Variants in ATP9B observed in about 807,000 individuals in gnomAD.
The protein encoded by ATP9B is probable phospholipid-transporting ATPase IIB.
In ATP9B, 110 loss-of-function variants were observed where a neutral mutation model predicts 146.1. That is an observed-to-expected ratio of 0.75 (90% confidence interval 0.65 to 0.88). The LOEUF (loss-of-function observed/expected upper bound fraction) is 0.88, where lower values mean the gene tolerates loss of function less well. Ranked by LOEUF, ATP9B falls within the 40% of genes least tolerant of loss-of-function variation. The probability of loss-of-function intolerance (pLI) is 0.00; values close to 1 mark genes in which losing one functional copy is unlikely to be tolerated. For missense variants in ATP9B, 1,499 were observed against 1,496.4 expected (o/e 1.00, Z -0.03); for synonymous variants, 604 against 569.7 (o/e 1.06, Z -0.86).
intron 11 of ATP9B, among the ~76,000 whole-genome samples, chr18:79,245,561 G>A (rs111948585): frequency 0.02 from 1,315 of 66,474 alleles, 17 homozygotes; most frequent in African/African-American, 0.042. Flanking sequence ...GGAGGGCACC[G>A]CCCTACTGAC....
At chr18:79,251,101 T>A (rs1312616621) in intron 11 of ATP9B, among the ~76,000 whole-genome samples, 2 of 152,234 alleles carry the variant, frequency 1.3e-5, no homozygotes, top group East Asian at 3.8e-4. Flanking sequence ...TAGAATCAAG[T>A]CACTATTTCA....
At chr18:79,247,495 A>G (rs2095979627) in intron 11 of ATP9B, among the ~76,000 whole-genome samples, 1 of 152,180 alleles carries the variant, frequency 6.6e-6, no homozygotes, top group Non-Finnish European at 1.5e-5. Context: ...GCCCCCTTCA[A>G]ACTTAGCAGG....
chr18:79,296,294 G>A (rs1185812096), intron 13 of ATP9B, among the ~76,000 whole-genome samples: 3 of 152,244 alleles, frequency 2.0e-5, no homozygotes, highest in African/African-American at 4.8e-5. Flanking sequence ...GGAATGACAG[G>A]TGTGAGCCAC....
chr18:79,328,081 G>A (rs983187623), intron 15 of ATP9B, among the ~76,000 whole-genome samples: 12 of 146,570 alleles, frequency 8.2e-5, no homozygotes, highest in East Asian at 2.0e-4. Context: ...CGTGGTTAGC[G>A]TGCTCTCTGT....
chr18:79,182,245 C>T lies in ATP9B; in HGVS notation c.873+5338C>T, dbSNP rs114915477. Among the ~76,000 whole-genome samples, 559 of 152,314 alleles carry T rather than the reference C, an allele frequency of 3.7e-3. 3 individuals are homozygous for T. Among genetic ancestry groups the T allele is most frequent in the South Asian group, 0.024 (115 of 4,822 alleles). On this transcript the variant is annotated intron_variant, in intron 8 of 29. Transcript: ENST00000426216. ...AACTCTGGCTAGTCAAAACTCAGCT[C>T]TCCAACTCTGTGGTCTCTGCAGGTG...
intron 25 of ATP9B, chr18:79,353,280 G>A (rs1177138419): frequency 6.6e-6 from 1 of 152,234 alleles, no homozygotes; most frequent in African/African-American, 2.4e-5. Context: ...CAGGAAAAAG[G>A]AAAACACTCA....
At position 79,345,817 on chromosome 18, in the gene ATP9B, G is replaced by C; in HGVS notation, c.2660G>C (p.Cys887Ser). 6.2e-7 allele frequency: 1 copy of C among 1,614,252 alleles called. No homozygotes were observed. Among genetic ancestry groups the C allele is most frequent in the African/African-American group, 1.3e-5 (1 of 75,070 alleles). ...NDVSMIQAAD[C>S]GIGIEGKEGK... is the part of the protein sequence containing the mutation. ...GTCAGCATGATTCAGGCAGCAGACTGTGGGATTGGGATTGAGGGAAAGGTA... is the reference window on the plus strand; with the variant it reads ...GTCAGCATGATTCAGGCAGCAGACTCTGGGATTGGGATTGAGGGAAAGGTA... The change falls in exon 23 of 30, where the codon TGT (cysteine) becomes TCT (serine). Residue 887 changes from cysteine to serine, a missense_variant. Cys to Ser is a moderately radical substitution (Grantham distance 112). Coordinates refer to ENST00000426216, the MANE Select transcript of ATP9B (RefSeq NM_198531.5).
chr18:79,295,175 C>T (rs533078419), intron 13 of ATP9B, among the ~76,000 whole-genome samples: 1 of 152,144 alleles, frequency 6.6e-6, no homozygotes, highest in Non-Finnish European at 1.5e-5. Flanking sequence ...AGTGTGTATT[C>T]CGCATGTTGA....
intron 1 of ATP9B, among the ~76,000 whole-genome samples, chr18:79,071,674 A>G (rs1251580760): frequency 6.6e-6 from 1 of 152,026 alleles, no homozygotes; most frequent in Admixed American, 6.5e-5. Context: ...CTAGCCTGCC[A>G]TTCTTTTCTT....
intron 13 of ATP9B, among the ~76,000 whole-genome samples, chr18:79,299,121 C>T (rs1248384957): frequency 6.6e-6 from 1 of 152,018 alleles, no homozygotes; most frequent in Non-Finnish European, 1.5e-5. Flanking sequence ...CTTTCCCCCA[C>T]ATTTGACCCC....
At chr18:79,118,914 TAGAA>T (rs919328120) in intron 4 of ATP9B, among the ~76,000 whole-genome samples, 4 of 151,786 alleles carry the variant, frequency 2.6e-5, no homozygotes, top group Admixed American at 1.3e-4. Flanking sequence ...TACCAAAAAA[TAGAA>T]AGATTAATTG....
rs372148156 is a variant in ATP9B at position 79,303,728 on chromosome 18, C to G, written c.1524+12C>G. ...ACTCCTACTCACAGGTAAGTGGGTTCCTCCTGCACGGGGTCTGCTTCCACA... is the reference window on the plus strand; with the variant it reads ...ACTCCTACTCACAGGTAAGTGGGTTGCTCCTGCACGGGGTCTGCTTCCACA... On this transcript the variant is annotated intron_variant, in intron 14 of 29. Coordinates refer to ENST00000426216, the MANE Select transcript of ATP9B (RefSeq NM_198531.5). 5 of 1,601,036 alleles carry G rather than the reference C, an allele frequency of 3.1e-6. No homozygotes were observed. In the African/African-American group the frequency reaches 6.7e-5, roughly 21 times the overall value.
At chr18:79,252,034 C>T (rs2096029372) in intron 11 of ATP9B, among the ~76,000 whole-genome samples, 1 of 152,254 alleles carries the variant, frequency 6.6e-6, no homozygotes, top group African/African-American at 2.4e-5. Flanking sequence ...CCTGGCACCT[C>T]TGCCCTGTGG....
rs971697451 is a variant in ATP9B, at chr18:79,298,961, C to T, written c.1412-4643C>T. 1.4e-4 allele frequency among the ~76,000 whole-genome samples: 16 copies of T among 112,910 alleles called. 1 individual carries two copies. Among genetic ancestry groups the T allele is most frequent in the Middle Eastern group, 7.7e-3 (2 of 260 alleles). The allele number at this position is 112,910 out of a possible 152,430, so 74.1% of individuals were successfully genotyped here. A position where few individuals can be genotyped will look rare whatever the true frequency, so the allele number is the denominator to read the frequency against. On this transcript the variant is annotated intron_variant, in intron 13 of 29. Coordinates refer to ENST00000426216, the MANE Select transcript of ATP9B (RefSeq NM_198531.5). ...AAGGCAGTCAGCCTGAGCTGCTCTT[C>T]GAGGTCTTGGATCCGGAGCCTCCAC...
chr18:79,223,323 CAAT>C (rs899051991), intron 11 of ATP9B, among the ~76,000 whole-genome samples: 1 of 152,002 alleles, frequency 6.6e-6, no homozygotes, highest in African/African-American at 2.4e-5. Context: ...TAAAATATTA[CAAT>C]AAAATAACTT....
chr18:79,330,889 G>A lies in ATP9B; in HGVS notation c.2028+785G>A, dbSNP rs962411750. ...TATGTAATCAAAGTTATATTTTAAT[G>A]TATCTCTTTTGTAACATAAATATTT... On this transcript the variant is annotated intron_variant, in intron 17 of 29. Transcript: ENST00000426216. Among the ~76,000 whole-genome samples the A allele has an allele frequency of 2.6e-5, 4 of 152,112 alleles. No homozygotes were observed. The East Asian group carries it at 7.7e-4, about 29-fold the overall frequency.
chr18:79,129,315 C>A (rs1300645077), intron 5 of ATP9B, among the ~76,000 whole-genome samples: 1 of 152,094 alleles, frequency 6.6e-6, no homozygotes, highest in African/African-American at 2.4e-5. Context: ...GACATGCAAG[C>A]CAAGAACTGG....
At chr18:79,346,300 C>T (rs8085057) in intron 23 of ATP9B, among the ~76,000 whole-genome samples, 57,993 of 150,628 alleles carry the variant, frequency 0.39, 11,259 homozygotes, top group Middle Eastern at 0.55. Context: ...GCTCAGCACA[C>T]ACTTGGCACA....
intron 13 of ATP9B, among the ~76,000 whole-genome samples, chr18:79,280,458 G>T (rs918535177): frequency 6.6e-6 from 1 of 152,036 alleles, no homozygotes; most frequent in Admixed American, 6.6e-5. Context: ...CTACATAAAA[G>T]GTTCAATTCA....
Sources: gnomAD v4.1 joint callset for allele counts (sites outside exome capture counted in the v4.1 genomes callset) on GRCh38, gnomAD v4.1.1 for gene constraint, MANE v1.5 for transcripts, NCBI Gene and HGNC (gene_info 2026-07-23, HGNC 2026-07-21) for gene names.